ESRP1: variants seen among roughly 807,000 people sequenced by gnomAD.
ESRP1 encodes the protein epithelial splicing regulatory protein 1.
ESRP1 carries 33 observed loss-of-function variants against 81.7 expected under a neutral mutation model. The observed-to-expected ratio is 0.40, with a 90% CI of 0.31 to 0.54. The LOEUF (loss-of-function observed/expected upper bound fraction) is 0.54. ESRP1 is among the 20% of genes least tolerant of loss of function. The pLI, the probability that ESRP1 is intolerant of heterozygous loss-of-function variation, is 0.41. For synonymous variants in ESRP1, 320 were observed against 303.3 expected, an observed-to-expected ratio of 1.06 and a Z score of -0.57; for missense variants, 672 against 833.1, an observed-to-expected ratio of 0.81 and a Z score of 2.38.
At chr8:94,653,243 T>G (rs532683072) in intron 4 of ESRP1, among the ~76,000 whole-genome samples, 1 of 152,294 alleles carries the variant, frequency 6.6e-6, no homozygotes, top group South Asian at 2.1e-4. Context: ...TGGGTGTGTG[T>G]GCACATATGT....
At chr8:94,704,790 A>C (rs919877621) in intron 15 of ESRP1, among the ~76,000 whole-genome samples, 10 of 141,316 alleles carry the variant, frequency 7.1e-5, no homozygotes, top group East Asian at 2.0e-4. Flanking sequence ...AAAAAAAAAA[A>C]AAACTGCAGT....
At chr8:94,651,902 C>A (rs920572235) in intron 4 of ESRP1, among the ~76,000 whole-genome samples, 8 of 151,760 alleles carry the variant, frequency 5.3e-5, no homozygotes, top group African/African-American at 1.7e-4. Context: ...TGAGCCGCCA[C>A]ACTTGACCAG....
At chr8:94,682,930 A>T (rs865886618) in intron 13 of ESRP1, among the ~76,000 whole-genome samples, 392 of 28,696 alleles carry the variant, frequency 0.014, 3 homozygotes, top group African/African-American at 0.023. Flanking sequence ...ATATATATAT[A>T]TATTTTTTTT....
intron 9 of ESRP1, among the ~76,000 whole-genome samples, chr8:94,666,820 A>G (rs1261441565): frequency 6.6e-6 from 1 of 152,232 alleles, no homozygotes; most frequent in Non-Finnish European, 1.5e-5. Flanking sequence ...CTGACATTTC[A>G]TGATAGATGC....
intron 4 of ESRP1, among the ~76,000 whole-genome samples, chr8:94,650,579 G>A (rs766799671): frequency 5.9e-5 from 9 of 152,152 alleles, no homozygotes; most frequent in Non-Finnish European, 1.3e-4. Flanking sequence ...TCCATACACG[G>A]TTTGTTTATC....
intron 15 of ESRP1, among the ~76,000 whole-genome samples, chr8:94,700,953 ATG>A (rs371493650): frequency 0.26 from 35,853 of 136,740 alleles, 4,399 homozygotes; most frequent in Admixed American, 0.28. Flanking sequence ...GTGTGTGTGT[ATG>A]TGTGTGTGTG....
At chr8:94,668,819 G>A (rs1003134556) in intron 10 of ESRP1, among the ~76,000 whole-genome samples, 8 of 151,850 alleles carry the variant, frequency 5.3e-5, no homozygotes, top group Admixed American at 2.0e-4. Flanking sequence ...TTGAGATGGG[G>A]TCTTGCTCTG....
intron 12 of ESRP1, among the ~76,000 whole-genome samples, chr8:94,675,286 G>C (rs370214023): frequency 2.2e-4 from 33 of 152,204 alleles, no homozygotes; most frequent in Admixed American, 1.8e-3. Flanking sequence ...TGTTGGGTAT[G>C]TTTAAAGAAT....
At chr8:94,704,757 T>A (rs1381547299) in intron 15 of ESRP1, among the ~76,000 whole-genome samples, 1 of 104,584 alleles carries the variant, frequency 9.6e-6, no homozygotes, top group Non-Finnish European at 1.8e-5. Context: ...CAAGGCACCA[T>A]CTCTTTTTGA....
At chr8:94,695,899 C>T (rs1352218859) in intron 14 of ESRP1, among the ~76,000 whole-genome samples, 1 of 151,988 alleles carries the variant, frequency 6.6e-6, no homozygotes, top group African/African-American at 2.4e-5. Flanking sequence ...CCTGTCTGTA[C>T]TAAAAATACA....
intron 13 of ESRP1, among the ~76,000 whole-genome samples, chr8:94,686,419 T>G (rs1809142918): frequency 6.6e-6 from 1 of 152,236 alleles, no homozygotes; most frequent in Non-Finnish European, 1.5e-5. Flanking sequence ...TCTAGCAGTT[T>G]TCTGGATACA....
In ESRP1 at chr8:94,643,384, A is replaced by G; in HGVS notation, c.343A>G (p.Arg115Gly). The change falls in exon 3 of 16, where the codon AGG (arginine) becomes GGG (glycine). Residue 115 changes from arginine (R) to glycine (G), a missense_variant. Transcript: ENST00000433389. Reference sequence around the variant, plus strand: ...CTGTACTGATGGGCAGCTTCATGTCAGGCAAATCCTGCATCCTGAGGCTTC... The same window carrying G: ...CTGTACTGATGGGCAGCTTCATGTCGGGCAAATCCTGCATCCTGAGGCTTC... ...CLCTDGQLHV[R>G]QILHPEASKK... The G allele has an allele frequency of 6.2e-7, 1 of 1,613,756 alleles. No homozygotes were observed. The highest frequency in any genetic ancestry group is 8.5e-7 in the Non-Finnish European group (1 of 1,179,642).
chr8:94,690,763 A>G (rs1267402513), intron 13 of ESRP1, among the ~76,000 whole-genome samples: 1 of 152,174 alleles, frequency 6.6e-6, no homozygotes, highest in East Asian at 1.9e-4. Flanking sequence ...TGGCAGGATA[A>G]AGCTGTGAAA....
intron 4 of ESRP1, among the ~76,000 whole-genome samples, chr8:94,658,056 C>T (rs866267169): frequency 1.3e-5 from 2 of 152,146 alleles, no homozygotes. Flanking sequence ...GGATTATAGG[C>T]GTCCGCCACC....
chr8:94,641,282 C>T lies in ESRP1; in HGVS notation c.-37C>T, dbSNP rs1407513638. 1.9e-6 allele frequency: 3 copies of T among 1,587,360 alleles called. No individual in the cohort carries two copies. Among genetic ancestry groups the T allele is most frequent in the African/African-American group, 1.3e-5 (1 of 74,292 alleles). On this transcript the variant is annotated 5_prime_UTR_variant, in exon 1 of 16. Coordinates refer to ENST00000433389, the MANE Select transcript of ESRP1 (RefSeq NM_017697.4). ...TCTCACTTCCACACCACCTTACCGC[C>T]TCCCGACCCCCCCTCTCCCCCTCCC...
chr8:94,666,348 G>A (rs75573057), intron 9 of ESRP1, among the ~76,000 whole-genome samples: 2,997 of 152,294 alleles, frequency 0.02, 85 homozygotes, highest in African/African-American at 0.068. Flanking sequence ...AACATAGTGA[G>A]ATTCTGTCTG....
chr8:94,698,444 A>G (rs1236057559), intron 15 of ESRP1, among the ~76,000 whole-genome samples: 4 of 152,234 alleles, frequency 2.6e-5, no homozygotes, highest in Non-Finnish European at 5.9e-5. Context: ...ATCCAAAATG[A>G]TTGGAAAGTT....
At chr8:94,680,328 C>T (rs1263076053) in intron 13 of ESRP1, among the ~76,000 whole-genome samples, 1 of 152,196 alleles carries the variant, frequency 6.6e-6, no homozygotes. Flanking sequence ...AACATGAAAG[C>T]ATTCAAGCAT....
chr8:94,683,469 C>T (rs1167363840), intron 13 of ESRP1, among the ~76,000 whole-genome samples: 1 of 152,178 alleles, frequency 6.6e-6, no homozygotes, highest in Admixed American at 6.5e-5. Context: ...ACAAATAATA[C>T]ATGGAGATCC....
Sources: gnomAD v4.1 joint callset for allele counts (sites outside exome capture counted in the v4.1 genomes callset) on GRCh38, gnomAD v4.1.1 for gene constraint, MANE v1.5 for transcripts, NCBI Gene and HGNC (gene_info 2026-07-23, HGNC 2026-07-21) for gene names.